Variants in ANKFN1 observed in about 807,000 individuals in gnomAD.
ANKFN1 encodes the protein ankyrin repeat and fibronectin type III domain containing 1.
A neutral mutation model predicts 108.7 loss-of-function variants in ANKFN1; 74 were observed. The ratio of observed to expected loss-of-function variants is 0.68; its 90% CI spans 0.56 to 0.83. The LOEUF (loss-of-function observed/expected upper bound fraction) is 0.83, where lower values mean the gene tolerates loss of function less well. Among genes scored for constraint, ANKFN1 ranks in the 40% least tolerant of loss-of-function variants. The pLI is 0.00. For synonymous variants in ANKFN1, 547 were observed against 516.2 expected (o/e 1.06, Z -0.81); for missense variants, 1,505 against 1,382.3 (o/e 1.09, Z -1.41).
chr17:56,358,059 T>C (rs1400926518), intron 6 of ANKFN1, among the ~76,000 whole-genome samples: 3 of 152,196 alleles, frequency 2.0e-5, no homozygotes, highest in Admixed American at 1.3e-4. Flanking sequence ...ATGCTCACTG[T>C]TACACATTAG....
intron 4 of ANKFN1, among the ~76,000 whole-genome samples, chr17:56,330,834 C>T (rs1300599460): frequency 2.0e-5 from 3 of 152,146 alleles, no homozygotes; most frequent in Non-Finnish European, 4.4e-5. Flanking sequence ...TCTTTCTATC[C>T]TCTTCTTCAT....
intron 3 of ANKFN1, among the ~76,000 whole-genome samples, chr17:56,263,769 G>T (rs1449156282): frequency 6.6e-6 from 1 of 152,194 alleles, no homozygotes; most frequent in African/African-American, 2.4e-5. Context: ...ATACTTCCAA[G>T]CATCCAACTG....
intron 4 of ANKFN1, among the ~76,000 whole-genome samples, chr17:56,128,134 A>G (rs1282746855): frequency 6.6e-6 from 1 of 152,028 alleles, no homozygotes; most frequent in African/African-American, 2.4e-5. Flanking sequence ...CACCCAATAC[A>G]TCGACAGGTT....
intron 2 of ANKFN1, among the ~76,000 whole-genome samples, chr17:56,227,194 C>G (rs1007097905): frequency 6.6e-6 from 1 of 152,040 alleles, no homozygotes; most frequent in Middle Eastern, 3.2e-3. Context: ...CTAAAAAGTA[C>G]CCCTTTCAAT....
intron 4 of ANKFN1, among the ~76,000 whole-genome samples, chr17:56,145,835 G>A (rs1271724214): frequency 3.9e-5 from 6 of 152,098 alleles, no homozygotes; most frequent in African/African-American, 1.2e-4. Flanking sequence ...CTGAGACAAG[G>A]CAAGTTTTCA....
intron 9 of ANKFN1, among the ~76,000 whole-genome samples, chr17:56,441,593 G>A (rs2049108061): frequency 6.6e-6 from 1 of 152,074 alleles, no homozygotes; most frequent in Non-Finnish European, 1.5e-5. Flanking sequence ...AGGGCCAGAA[G>A]GAACCCTAGG....
chr17:56,425,090 A>C (rs192682098), intron 8 of ANKFN1, among the ~76,000 whole-genome samples: 2 of 152,252 alleles, frequency 1.3e-5, no homozygotes, highest in Admixed American at 6.5e-5. Context: ...ATGATTTGGA[A>C]ATTTTTAAGT....
chr17:56,060,794 G>A (rs1032141748), intron 4 of ANKFN1, among the ~76,000 whole-genome samples: 1 of 152,196 alleles, frequency 6.6e-6, no homozygotes, highest in Non-Finnish European at 1.5e-5. Flanking sequence ...CTTGATCGTG[G>A]TGTATATTTC....
intron 3 of ANKFN1, among the ~76,000 whole-genome samples, chr17:56,232,898 G>A (rs1246386103): frequency 1.3e-5 from 2 of 152,044 alleles, no homozygotes; most frequent in African/African-American, 4.8e-5. Flanking sequence ...CAATTTTGTA[G>A]CATTGTAGAG....
rs151199471 is a variant in ANKFN1, at chr17:56,170,371, C to G, written c.-71+16841C>G. 2.8e-3 allele frequency among the ~76,000 whole-genome samples: 423 copies of G among 152,162 alleles called. 2 individuals are homozygous for G. Among genetic ancestry groups the G allele is most frequent in the African/African-American group, 9.5e-3 (393 of 41,500 alleles). On this transcript the variant is annotated intron_variant, in intron 1 of 20. Coordinates refer to ENST00000682825, the MANE Select transcript of ANKFN1 (RefSeq NM_001370326.1). The stretch of plus-strand genomic sequence containing the variant: ...GAGCTATAAGAACTCAGAGAGGGAG[C>G]GACAGAGTCTGCAGGAGGCAGACAG...
chr17:56,254,624 T>C (rs1163619321), intron 3 of ANKFN1, among the ~76,000 whole-genome samples: 1 of 152,198 alleles, frequency 6.6e-6, no homozygotes, highest in Non-Finnish European at 1.5e-5. Context: ...GATTCCTTTA[T>C]AGCAGAGATT....
At chr17:56,498,494 A>G (rs935547505) in intron 19 of ANKFN1, among the ~76,000 whole-genome samples, 2 of 152,214 alleles carry the variant, frequency 1.3e-5, no homozygotes, top group African/African-American at 4.8e-5. Context: ...TTTCGAATTC[A>G]TTATTTCAAC....
intron 8 of ANKFN1, among the ~76,000 whole-genome samples, chr17:56,388,461 C>A (rs1246227527): frequency 1.3e-5 from 2 of 152,134 alleles, no homozygotes; most frequent in African/African-American, 4.8e-5. Context: ...AATATCTGTG[C>A]AATTATAGCT....
chr17:56,063,887 G>A (rs968566700), intron 4 of ANKFN1, among the ~76,000 whole-genome samples: 8 of 152,028 alleles, frequency 5.3e-5, no homozygotes, highest in East Asian at 3.9e-4. Context: ...GTTTAGTTTC[G>A]ATCTTTGAGG....
chr17:56,443,356 A>T (rs1354128927), intron 10 of ANKFN1, among the ~76,000 whole-genome samples: 1 of 152,132 alleles, frequency 6.6e-6, no homozygotes, highest in Non-Finnish European at 1.5e-5. Context: ...ACAGACTGAG[A>T]CACTGCCTCT....
intron 4 of ANKFN1, among the ~76,000 whole-genome samples, chr17:56,060,915 GT>G (rs1904961918): frequency 6.6e-6 from 1 of 152,216 alleles, no homozygotes; most frequent in Admixed American, 6.5e-5. Context: ...TCTCCTCCAG[GT>G]TTTGGTATCA....
intron 8 of ANKFN1, among the ~76,000 whole-genome samples, chr17:56,420,455 G>A (rs2048364689): frequency 6.6e-6 from 1 of 152,062 alleles, no homozygotes; most frequent in East Asian, 1.9e-4. Context: ...GGAAACTAAA[G>A]GTTATCTATA....
intron 4 of ANKFN1, among the ~76,000 whole-genome samples, chr17:56,330,022 C>T (rs189344100): frequency 1.7e-3 from 266 of 152,292 alleles, no homozygotes; most frequent in Non-Finnish European, 3.0e-3. Context: ...TTACTGTTTA[C>T]AAGCCACCCA....
At chr17:56,121,070 T>C (rs1003735578) in intron 4 of ANKFN1, among the ~76,000 whole-genome samples, 2 of 152,126 alleles carry the variant, frequency 1.3e-5, no homozygotes, top group Non-Finnish European at 2.9e-5. Context: ...ACTTTGATCA[T>C]ATCACCACCC....
Sources: gnomAD v4.1 joint callset for allele counts (sites outside exome capture counted in the v4.1 genomes callset) on GRCh38, gnomAD v4.1.1 for gene constraint, MANE v1.5 for transcripts, NCBI Gene and HGNC (gene_info 2026-07-23, HGNC 2026-07-21) for gene names.